TRIM9: variants seen among roughly 807,000 people sequenced by gnomAD.
TRIM9 encodes the protein tripartite motif containing 9, also known as E3 ubiquitin-protein ligase TRIM9.
Under a neutral mutation model 78.3 loss-of-function variants are expected in TRIM9, and 26 were observed. The ratio of observed to expected loss-of-function variants is 0.33; its 90% CI spans 0.24 to 0.46. The LOEUF (loss-of-function observed/expected upper bound fraction) is 0.46, where lower values mean the gene tolerates loss of function less well. Ranked by LOEUF, TRIM9 falls within the 20% of genes least tolerant of loss-of-function variation. TRIM9 has a pLI of 1.00. For synonymous variants in TRIM9, 398 were observed against 416.5 expected, an observed-to-expected ratio of 0.96 and a Z score of 0.54; for missense variants, 787 against 1,036.4, an observed-to-expected ratio of 0.76 and a Z score of 3.30.
rs1460321400 is a variant in TRIM9 at position 51,000,753 on chromosome 14, G to A, written c.1394C>T (p.Pro465Leu). ...NNSATLSWKQ[P>L]PLSTVPADGY... ...ATCGGCGGGCACCGTGGACAGAGGT[G>A]GCTGTTTCCAGGACAACGTAGCGCT... Residue 465 changes from proline to leucine, a missense_variant, in exon 6 of 13, where the codon CCA becomes CTA. By Grantham distance (98) the Pro-to-Leu change is moderately conservative. This residue lies in a region of TRIM9 where 421 missense variants were observed against 514.3 expected (regional missense o/e 0.82). Transcript: ENST00000684578. The A allele has an allele frequency of 1.1e-5, 17 of 1,614,192 alleles. No homozygotes were observed. The highest frequency in any genetic ancestry group is 1.4e-5 in the Non-Finnish European group (17 of 1,180,024).
intron 1 of TRIM9, among the ~76,000 whole-genome samples, chr14:51,078,663 G>A (rs557709337): frequency 1.1e-4 from 17 of 152,238 alleles, no homozygotes; most frequent in African/African-American, 4.1e-4. Flanking sequence ...GATATTGTAT[G>A]ATATTTTAAA....
At chr14:50,982,138 C>T in intron 10 of TRIM9, 35 bp from the exon 11 acceptor site, 1 of 1,605,820 alleles carries the variant, frequency 6.2e-7, no homozygotes, top group Non-Finnish European at 8.5e-7. Flanking sequence ...GTTATTAAGA[C>T]AGACCCAACA....
In TRIM9 at chr14:51,074,462, C is replaced by T. The variant is rs931092525; in HGVS notation, c.822+19656G>A. ...AAGGAATTCCAGGCCAGGCTTACATCGCAACTCAGTCCTCAAAAGCCCTCT... is the reference window on the plus strand; with the variant it reads ...AAGGAATTCCAGGCCAGGCTTACATTGCAACTCAGTCCTCAAAAGCCCTCT... On this transcript the variant is annotated intron_variant, in intron 1 of 12. Transcript: ENST00000684578. Among the ~76,000 whole-genome samples, 4 of 152,258 alleles carry T rather than the reference C, an allele frequency of 2.6e-5. No individual in the cohort carries two copies. In the East Asian group the frequency reaches 5.8e-4, roughly 22 times the overall value.
chr14:51,054,886 A>G (rs1371525724), intron 1 of TRIM9, among the ~76,000 whole-genome samples: 1 of 148,144 alleles, frequency 6.8e-6, no homozygotes, highest in African/African-American at 2.5e-5. Context: ...CTGGAGTGCA[A>G]TGGTGCTATC....
chr14:51,017,990 T>A (rs1376891152), intron 3 of TRIM9, among the ~76,000 whole-genome samples: 1 of 125,324 alleles, frequency 8.0e-6, no homozygotes, highest in Non-Finnish European at 1.8e-5. Flanking sequence ...AAGGAATTCA[T>A]CATTCATGAT....
chr14:51,007,355 C>T lies in TRIM9; in HGVS notation c.1306+1725G>A, dbSNP rs139758405. ...AGGATGGGTTTATTTTACAGGCTAC[C>T]ACACTGGTATTAAAAATATTTTTTT... is the stretch of plus-strand genomic sequence containing the variant. On this transcript the variant is annotated intron_variant, in intron 5 of 12. Transcript: ENST00000684578. Among the ~76,000 whole-genome samples the T allele has an allele frequency of 1.3e-3, 195 of 152,226 alleles. 1 individual carries two copies. The highest frequency in any genetic ancestry group is 3.1e-3 in the South Asian group (15 of 4,820).
intron 1 of TRIM9, among the ~76,000 whole-genome samples, chr14:51,068,888 T>C (rs1301789685): frequency 6.6e-6 from 1 of 152,228 alleles, no homozygotes; most frequent in African/African-American, 2.4e-5. Context: ...AAGTGAAGCA[T>C]TAATTAACAT....
chr14:51,051,838 G>A (rs769245905), intron 1 of TRIM9, among the ~76,000 whole-genome samples: 2 of 152,064 alleles, frequency 1.3e-5, no homozygotes, highest in Non-Finnish European at 2.9e-5. Context: ...ATGGTGGCAT[G>A]TGCCTGTGAT....
chr14:51,027,171 T>C (rs1408345643), intron 1 of TRIM9, among the ~76,000 whole-genome samples: 3 of 122,888 alleles, frequency 2.4e-5, no homozygotes, highest in African/African-American at 9.2e-5. Flanking sequence ...TGAGACAGAG[T>C]CTCACTCTCT....
chr14:51,003,264 C>A (rs1208937672), intron 5 of TRIM9, among the ~76,000 whole-genome samples: 1 of 152,122 alleles, frequency 6.6e-6, no homozygotes. Flanking sequence ...GGAAACCATT[C>A]TTCAAAGGGC....
rs1197105516 is a variant in TRIM9 at position 51,022,815 on chromosome 14, T to C, written c.1041+20A>G. ...GCCTGGCTTGTTGGCTTTCTGCTCT[T>C]CCCATGATGCAGCACTCACCTTCAG... On this transcript the variant is annotated intron_variant, in intron 3 of 12. Transcript: ENST00000684578. 1 of 1,613,710 alleles carries C rather than the reference T, an allele frequency of 6.2e-7. No homozygotes were observed. The highest frequency in any genetic ancestry group is 1.1e-5 in the South Asian group (1 of 91,050).
In TRIM9 at chr14:50,986,137, ATCTGTG is replaced by A. The variant is rs2052683629; in HGVS notation, c.1605_1610del (p.Thr536_Asp537del). The stretch of plus-strand genomic sequence containing the variant: ...GAAAAGGGAGGGTCTGTTCTTCTGA[ATCTGTG>A]TCTAAATGTAAGATCAATGCAAACT... On this transcript the variant is annotated inframe_deletion and splice_region_variant, in exon 8 of 13. Transcript: ENST00000684578. 1 of 1,521,624 alleles carries A rather than the reference ATCTGTG, an allele frequency of 6.6e-7. No homozygotes were observed. The highest frequency in any genetic ancestry group is 1.4e-5 in the African/African-American group (1 of 72,216). 94.3% of individuals were successfully genotyped at this position (1,521,624 alleles called of 1,614,324 possible). A position where few individuals can be genotyped will look rare whatever the true frequency, so the allele number is the denominator to read the frequency against.
intron 1 of TRIM9, among the ~76,000 whole-genome samples, chr14:51,035,237 G>T (rs979306733): frequency 6.6e-6 from 1 of 151,904 alleles, no homozygotes; most frequent in Admixed American, 6.6e-5. Flanking sequence ...AAGTTCTTTT[G>T]ATTTTCTGAT....
chr14:51,084,663 A>C lies in TRIM9; in HGVS notation c.822+9455T>G, dbSNP rs541977360. 1.2e-4 allele frequency among the ~76,000 whole-genome samples: 18 copies of C among 152,308 alleles called. No homozygotes were observed. The East Asian group carries it at 3.1e-3, about 26-fold the overall frequency. On this transcript the variant is annotated intron_variant, in intron 1 of 12. Coordinates refer to ENST00000684578, the MANE Select transcript of TRIM9 (RefSeq NM_001387360.1). ...TTATGTGACTAATGCTCTTGGGATA[A>C]CATTATTCCAAGATAATGGGACAGC...
chr14:50,996,155 G>A, intron 7 of TRIM9: 1 of 985,026 alleles, frequency 1.0e-6, no homozygotes, highest in Non-Finnish European at 1.2e-6. Context: ...TATGATGATA[G>A]GCTTTTCTTT....
At chr14:51,010,295 C>T in intron 4 of TRIM9, 89 bp downstream of exon 4, 1 of 1,032,430 alleles carries the variant, frequency 9.7e-7, no homozygotes, top group Non-Finnish European at 1.5e-6. Context: ...CACAGGCCCA[C>T]CCAGGGCTGT....
intron 1 of TRIM9, among the ~76,000 whole-genome samples, chr14:51,076,975 T>C (rs1359997513): frequency 6.6e-6 from 1 of 152,216 alleles, no homozygotes; most frequent in Non-Finnish European, 1.5e-5. Flanking sequence ...GAAGACCTCT[T>C]CAGACGCATC....
At chr14:51,065,770 A>C (rs2061681143) in intron 1 of TRIM9, among the ~76,000 whole-genome samples, 1 of 152,138 alleles carries the variant, frequency 6.6e-6, no homozygotes, top group South Asian at 2.1e-4. Flanking sequence ...AGTTTGATTA[A>C]ATAGCAATCA....
intron 1 of TRIM9, among the ~76,000 whole-genome samples, chr14:51,064,026 C>CTA (rs2061551459): frequency 6.6e-6 from 1 of 151,904 alleles, no homozygotes; most frequent in Non-Finnish European, 1.5e-5. Context: ...AATTATAGCA[C>CTA]TATATTATGG....
Sources: allele counts gnomAD v4.1 joint callset (sites outside exome capture counted in the v4.1 genomes callset), GRCh38; gene constraint gnomAD v4.1.1; regional missense constraint gnomAD v4.1.1; transcripts MANE v1.5; gene names NCBI Gene and HGNC (gene_info 2026-07-23, HGNC 2026-07-21).